BDP1: variants seen among roughly 807,000 people sequenced by gnomAD.
BDP1 encodes transcription factor TFIIIB component B'' homolog.
A neutral mutation model predicts 266.6 loss-of-function variants in BDP1; 169 were observed. The ratio of observed to expected loss-of-function variants is 0.63; its 90% CI spans 0.56 to 0.72. BDP1 has a LOEUF of 0.72. Among genes scored for constraint, BDP1 ranks in the 30% least tolerant of loss-of-function variants. The pLI, the probability that BDP1 is intolerant of heterozygous loss-of-function variation, is 0.00. For missense variants in BDP1, 3,015 were observed against 3,053.8 expected, an observed-to-expected ratio of 0.99 and a Z score of 0.30; for synonymous variants, 1,090 against 1,022.4, an observed-to-expected ratio of 1.07 and a Z score of -1.26.
intron 26 of BDP1, 75 bp downstream of exon 26, chr5:71,532,502 A>G: frequency 1.4e-6 from 2 of 1,450,174 alleles, no homozygotes; most frequent in Non-Finnish European, 1.9e-6. Context: ...TCCTTTTGAT[A>G]GCTTTAGGTT....
At chr5:71,557,055 C>A in intron 36 of BDP1, 130 bp downstream of exon 36, 1 of 470,568 alleles carries the variant, frequency 2.1e-6, no homozygotes, top group Non-Finnish European at 3.7e-6. Context: ...GTATTATCAG[C>A]ACTTCTTTCC....
chr5:71,466,080 T>TTCA lies in BDP1; in HGVS notation c.660-16_660-15insTCA. 3.7e-6 allele frequency: 6 copies of TTCA among 1,610,136 alleles called. No individual in the cohort carries two copies. Among genetic ancestry groups the TTCA allele is most frequent in the Non-Finnish European group, 5.1e-6 (6 of 1,178,628 alleles). Reference sequence around the variant, plus strand: ...TTTCATGCCTTTGTGAATTAACTTATCTTTATATGTGGTAGGCAAGAAGGT... The same window carrying TTCA: ...TTTCATGCCTTTGTGAATTAACTTATTCACTTTATATGTGGTAGGCAAGAAGGT... On this transcript the variant is annotated splice_polypyrimidine_tract_variant and intron_variant, in intron 4 of 38. Transcript: ENST00000358731.
intron 25 of BDP1, among the ~76,000 whole-genome samples, chr5:71,531,364 A>G (rs1328109395): frequency 2.0e-5 from 3 of 152,170 alleles, no homozygotes; most frequent in Non-Finnish European, 4.4e-5. Flanking sequence ...TCTTTAAGTA[A>G]TAGGACTCAC....
intron 16 of BDP1, among the ~76,000 whole-genome samples, chr5:71,505,554 C>A (rs1464745586): frequency 6.6e-6 from 1 of 152,132 alleles, no homozygotes; most frequent in Non-Finnish European, 1.5e-5. Flanking sequence ...TATACTATTT[C>A]AACTTTTCAA....
chr5:71,490,719 C>G (rs1763533796), intron 10 of BDP1, among the ~76,000 whole-genome samples: 1 of 152,152 alleles, frequency 6.6e-6, no homozygotes, highest in Non-Finnish European at 1.5e-5. Flanking sequence ...AGTTTCCCTA[C>G]TTGACATATA....
chr5:71,542,630 G>T (rs953920275), intron 30 of BDP1, among the ~76,000 whole-genome samples: 10 of 152,058 alleles, frequency 6.6e-5, no homozygotes, highest in Non-Finnish European at 1.3e-4. Context: ...CCAGCACTTT[G>T]GGAGGCTTGA....
At position 71,518,430 on chromosome 5, in the gene BDP1, A is replaced by G. The variant is rs796690180; in HGVS notation, c.4991+978A>G. 4.5e-4 allele frequency among the ~76,000 whole-genome samples: 68 copies of G among 152,154 alleles called. 1 individual carries two copies. The highest frequency in any genetic ancestry group is 1.6e-3 in the African/African-American group (67 of 41,536). ...TAGGTCATCTGTCAAAACAGGTGCTATTGATTTATATTTTCTTTTTATTAT... is the reference window on the plus strand; with the variant it reads ...TAGGTCATCTGTCAAAACAGGTGCTGTTGATTTATATTTTCTTTTTATTAT... On this transcript the variant is annotated intron_variant, in intron 22 of 38. Transcript: ENST00000358731.
At position 71,496,128 on chromosome 5, in the gene BDP1, G is replaced by C. The variant is rs538653690; in HGVS notation, c.1799+720G>C. ...GTGGTGGCATGCACCTGTAGTCCCA[G>C]CTACTTGGGAGGCTGAGGCAGGAGA... On this transcript the variant is annotated intron_variant, in intron 12 of 38. Coordinates refer to ENST00000358731, the MANE Select transcript of BDP1 (RefSeq NM_018429.3). Among the ~76,000 whole-genome samples, 169 of 151,756 alleles carry C rather than the reference G, an allele frequency of 1.1e-3. 3 individuals are homozygous for C. In the South Asian group the frequency reaches 0.017, roughly 16 times the overall value.
intron 7 of BDP1, among the ~76,000 whole-genome samples, chr5:71,480,425 T>C (rs1213642785): frequency 5.3e-5 from 8 of 151,734 alleles, no homozygotes; most frequent in African/African-American, 1.5e-4. Context: ...TGAGCCACCG[T>C]GCCCAGCCTA....
chr5:71,514,262 G>A (rs1385415343), intron 19 of BDP1, among the ~76,000 whole-genome samples: 1 of 152,086 alleles, frequency 6.6e-6, no homozygotes, highest in Non-Finnish European at 1.5e-5. Context: ...AAATAGCTCA[G>A]TACTTTACTG....
intron 11 of BDP1, chr5:71,494,900 T>C (rs1369011123): frequency 1.3e-5 from 2 of 156,940 alleles, no homozygotes; most frequent in Non-Finnish European, 2.8e-5. Context: ...GATTTAACCA[T>C]GTTGGCCAGG....
At chr5:71,564,691 CA>C in intron 38 of BDP1, 62 bp from the exon 39 acceptor site, 1 of 1,345,888 alleles carries the variant, frequency 7.4e-7, no homozygotes, top group Non-Finnish European at 1.0e-6. Context: ...TATATACACA[CA>C]CATATATATA....
intron 7 of BDP1, among the ~76,000 whole-genome samples, chr5:71,470,880 C>T (rs373725319): frequency 3.3e-5 from 5 of 150,446 alleles, no homozygotes; most frequent in South Asian, 4.2e-4. Context: ...CTAGAGCCAC[C>T]GTGCCCAGCC....
intron 2 of BDP1, among the ~76,000 whole-genome samples, chr5:71,461,357 T>G (rs1761549069): frequency 1.3e-5 from 2 of 151,510 alleles, no homozygotes; most frequent in African/African-American, 2.4e-5. Context: ...TTCACTCCAG[T>G]GCTTTAGGAG....
intron 11 of BDP1, among the ~76,000 whole-genome samples, chr5:71,491,643 A>G (rs1016192073): frequency 6.6e-6 from 1 of 152,094 alleles, no homozygotes; most frequent in African/African-American, 2.4e-5. Context: ...CTGCACCTCT[A>G]TACCTATTGA....
At chr5:71,504,863 G>A in intron 16 of BDP1, 112 bp downstream of exon 16, 1 of 911,116 alleles carries the variant, frequency 1.1e-6, no homozygotes, top group Non-Finnish European at 1.7e-6. Context: ...TGCGTGTCTA[G>A]TTATGTAGTG....
At chr5:71,500,365 G>T (rs372539886) in intron 13 of BDP1, among the ~76,000 whole-genome samples, 74 of 86,444 alleles carry the variant, frequency 8.6e-4, no homozygotes, top group African/African-American at 3.2e-3. Flanking sequence ...CACTCTTGTT[G>T]CCCCAGCTGG....
chr5:71,461,957 T>G, intron 3 of BDP1, 31 bp downstream of exon 3: 3 of 703,506 alleles, frequency 4.3e-6, no homozygotes, highest in Non-Finnish European at 7.3e-6. Context: ...CTTTACTATC[T>G]CTTTTTTTTT....
chr5:71,547,447 T>TTTGTCCCATTA (rs1291169670), intron 32 of BDP1, among the ~76,000 whole-genome samples: 3 of 152,190 alleles, frequency 2.0e-5, no homozygotes, highest in Non-Finnish European at 2.9e-5. Context: ...ATAATGTCAG[T>TTTGTCCCATTA]TTGTCCCATT....
Sources: gnomAD v4.1 joint callset for allele counts (sites outside exome capture counted in the v4.1 genomes callset) on GRCh38, gnomAD v4.1.1 for gene constraint, MANE v1.5 for transcripts, NCBI Gene and HGNC (gene_info 2026-07-23, HGNC 2026-07-21) for gene names.